LHFPL3: variants seen among roughly 807,000 people sequenced by gnomAD.
The protein encoded by LHFPL3 is LHFPL tetraspan subfamily member 3, also known as LHFPL tetraspan subfamily member 3 protein.
LHFPL3 carries 5 observed loss-of-function variants against 19.3 expected under a neutral mutation model. The observed-to-expected ratio is 0.26, with a 90% CI of 0.14 to 0.54. The LOEUF (loss-of-function observed/expected upper bound fraction) is 0.54, where lower values mean the gene tolerates loss of function less well. Ranked by LOEUF, LHFPL3 falls within the 20% of genes least tolerant of loss-of-function variation. The pLI is 0.94. For missense variants in LHFPL3, 249 were observed against 307.4 expected (o/e 0.81, Z 1.42); for synonymous variants, 133 against 126.2 (o/e 1.05, Z -0.36).
chr7:104,533,597 G>A (rs1794342815), intron 1 of LHFPL3, among the ~76,000 whole-genome samples: 1 of 152,164 alleles, frequency 6.6e-6, no homozygotes, highest in Non-Finnish European at 1.5e-5. Context: ...AATCCACACA[G>A]TAATTTCCAT....
chr7:104,400,589 T>G (rs1405735966), intron 1 of LHFPL3, among the ~76,000 whole-genome samples: 1 of 152,208 alleles, frequency 6.6e-6, no homozygotes, highest in Non-Finnish European at 1.5e-5. Flanking sequence ...CTATTACCTG[T>G]CATCTGATTA....
At chr7:104,587,202 G>T (rs1790597915) in intron 1 of LHFPL3, among the ~76,000 whole-genome samples, 1 of 152,186 alleles carries the variant, frequency 6.6e-6, no homozygotes, top group African/African-American at 2.4e-5. Flanking sequence ...CATGTGCCAT[G>T]TTGGTGTGCT....
chr7:104,527,113 G>A (rs2115831743), intron 1 of LHFPL3, among the ~76,000 whole-genome samples: 1 of 152,320 alleles, frequency 6.6e-6, no homozygotes, highest in East Asian at 1.9e-4. Context: ...AGGCCTTGAG[G>A]TGAAACCAAG....
At chr7:104,819,427 G>T (rs1298543481) in intron 2 of LHFPL3, among the ~76,000 whole-genome samples, 5 of 148,654 alleles carry the variant, frequency 3.4e-5, no homozygotes, top group African/African-American at 1.2e-4. Flanking sequence ...CTTCATCCTT[G>T]CACGAGAGCC....
chr7:104,673,187 T>G (rs1792519514), intron 1 of LHFPL3, among the ~76,000 whole-genome samples: 1 of 152,186 alleles, frequency 6.6e-6, no homozygotes, highest in Admixed American at 6.5e-5. Flanking sequence ...TAAATCAGAA[T>G]TTGATTTTTT....
Position 104,399,536 on chromosome 7 carries a change from A to G in LHFPL3, c.445+70312A>G, listed in dbSNP as rs1346217936. ...GAGTGCAGTGGCGCAGTCTTGGCTCAGTGCAACCTCTGGCTCCTGGGTTCA... is the reference window on the plus strand; with the variant it reads ...GAGTGCAGTGGCGCAGTCTTGGCTCGGTGCAACCTCTGGCTCCTGGGTTCA... On this transcript the variant is annotated intron_variant, in intron 1 of 2. Coordinates refer to ENST00000424859, the MANE Select transcript of LHFPL3 (RefSeq NM_199000.3). The surrounding 1 kb of genome is among the most constrained non-coding windows in gnomAD (Gnocchi z 4.4). Among the ~76,000 whole-genome samples the G allele has an allele frequency of 6.6e-6, 1 of 151,478 alleles. No individual in the cohort carries two copies. Among genetic ancestry groups the G allele is most frequent in the East Asian group, 1.9e-4 (1 of 5,132 alleles).
intron 1 of LHFPL3, among the ~76,000 whole-genome samples, chr7:104,479,075 G>C (rs918550136): frequency 6.6e-6 from 1 of 152,140 alleles, no homozygotes; most frequent in African/African-American, 2.4e-5. Flanking sequence ...GACTGAGGCT[G>C]GGGTGGCTGT....
At chr7:104,847,702 A>G (rs748119376) in intron 2 of LHFPL3, among the ~76,000 whole-genome samples, 3 of 152,188 alleles carry the variant, frequency 2.0e-5, no homozygotes, top group Non-Finnish European at 2.9e-5. Flanking sequence ...AATAGAGACG[A>G]GATTTCGCCA....
At chr7:104,540,709 A>C (rs1231210844) in intron 1 of LHFPL3, among the ~76,000 whole-genome samples, 1 of 152,174 alleles carries the variant, frequency 6.6e-6, no homozygotes, top group African/African-American at 2.4e-5. Context: ...AATGACCCTG[A>C]GAGTTAGTTA....
At chr7:104,851,508 A>C (rs768403571) in intron 2 of LHFPL3, among the ~76,000 whole-genome samples, 1 of 152,194 alleles carries the variant, frequency 6.6e-6, no homozygotes, top group Non-Finnish European at 1.5e-5. Context: ...GGCTTTCAAA[A>C]TCTGAGGTTA....
chr7:104,498,115 T>C (rs905066580), intron 1 of LHFPL3, among the ~76,000 whole-genome samples: 1 of 152,222 alleles, frequency 6.6e-6, no homozygotes, highest in African/African-American at 2.4e-5. Flanking sequence ...CTTAAACTCT[T>C]ACATAAGTAC....
At chr7:104,541,462 C>A (rs1794485967) in intron 1 of LHFPL3, among the ~76,000 whole-genome samples, 1 of 152,140 alleles carries the variant, frequency 6.6e-6, no homozygotes, top group Admixed American at 6.5e-5. Context: ...ATTCCCCAGA[C>A]ACAGGAGAGC....
intron 1 of LHFPL3, among the ~76,000 whole-genome samples, chr7:104,634,388 T>A (rs1268874604): frequency 1.3e-5 from 2 of 152,144 alleles, no homozygotes; most frequent in Non-Finnish European, 2.9e-5. Flanking sequence ...AGTACAAGTG[T>A]CTTTTCCTTT....
At chr7:104,668,309 T>C in intron 1 of LHFPL3, 1 of 1,604,600 alleles carries the variant, frequency 6.2e-7, no homozygotes, top group East Asian at 2.2e-5. Context: ...TTGGCCGTGA[T>C]AGAAATCGGG....
chr7:104,342,803 ACAAAC>A (rs1789982883), intron 1 of LHFPL3, among the ~76,000 whole-genome samples: 3 of 152,318 alleles, frequency 2.0e-5, no homozygotes, highest in African/African-American at 7.2e-5. Flanking sequence ...CTGTGTGTGA[ACAAAC>A]CAAGTAGAAA....
chr7:104,741,154 C>T (rs1301731168), intron 2 of LHFPL3, among the ~76,000 whole-genome samples: 1 of 152,158 alleles, frequency 6.6e-6, no homozygotes, highest in African/African-American at 2.4e-5. Flanking sequence ...TTCCTTGACA[C>T]ACTTCAGTCA....
chr7:104,635,676 A>C (rs943948439), intron 1 of LHFPL3, among the ~76,000 whole-genome samples: 4 of 152,228 alleles, frequency 2.6e-5, no homozygotes, highest in African/African-American at 9.6e-5. Context: ...AAGTTACTGA[A>C]GAATGTGTCC....
At chr7:104,865,649 CTG>C (rs1389442746) in intron 2 of LHFPL3, among the ~76,000 whole-genome samples, 1 of 152,186 alleles carries the variant, frequency 6.6e-6, no homozygotes, top group Non-Finnish European at 1.5e-5. Context: ...GGAAAACACT[CTG>C]CAGGATATTA....
rs1186057872 is a variant in LHFPL3, at chr7:104,554,636, TAGAC to T, written c.446-182035_446-182032del. On this transcript the variant is annotated intron_variant, in intron 1 of 2. Transcript: ENST00000424859. ...GGCAGAACTAATAGGATAGATTAGA[TAGAC>T]AGATAGATAGATAGATAGATAGATA... 7.8e-3 allele frequency among the ~76,000 whole-genome samples: 1,034 copies of T among 132,452 alleles called. 14 individuals are homozygous for T. Among genetic ancestry groups the T allele is most frequent in the African/African-American group, 0.027 (972 of 35,392 alleles). The allele number at this position is 132,452 out of a possible 152,430, so 86.9% of individuals were successfully genotyped here. A position where few individuals can be genotyped will look rare whatever the true frequency, so the allele number is the denominator to read the frequency against.
Sources: allele counts gnomAD v4.1 joint callset (sites outside exome capture counted in the v4.1 genomes callset), GRCh38; gene constraint gnomAD v4.1.1; non-coding constraint Gnocchi (gnomAD v3.1); transcripts MANE v1.5; gene names NCBI Gene and HGNC (gene_info 2026-07-23, HGNC 2026-07-21).